Variants in CCDC171 observed in about 807,000 individuals in gnomAD.
CCDC171 encodes coiled-coil domain-containing protein 171.
A neutral mutation model predicts 168.2 loss-of-function variants in CCDC171; 177 were observed. That is an observed-to-expected ratio of 1.05 (90% confidence interval 0.93 to 1.19). CCDC171 has a LOEUF of 1.19. Among genes scored for constraint, CCDC171 ranks in the 50% most tolerant of loss-of-function variants. The pLI is 0.00. For synonymous variants in CCDC171, 687 were observed against 540.8 expected (o/e 1.27, Z -3.75); for missense variants, 1,991 against 1,539.0 (o/e 1.29, Z -4.91).
intron 25 of CCDC171, among the ~76,000 whole-genome samples, chr9:15,942,362 G>A (rs373875903): frequency 7.2e-5 from 11 of 151,782 alleles, no homozygotes; most frequent in African/African-American, 2.2e-4. Flanking sequence ...CTATGGGTCC[G>A]GAATTTCTTT....
intron 24 of CCDC171, among the ~76,000 whole-genome samples, chr9:15,901,974 G>C (rs1821730568): frequency 6.6e-6 from 1 of 152,050 alleles, no homozygotes; most frequent in Middle Eastern, 3.2e-3. Context: ...AAGTACTCTT[G>C]AACTTGTGTA....
chr9:15,865,933 G>A (rs1307867754), intron 23 of CCDC171, among the ~76,000 whole-genome samples: 1 of 151,630 alleles, frequency 6.6e-6, no homozygotes, highest in Non-Finnish European at 1.5e-5. Flanking sequence ...GAAAACTCAG[G>A]GATTGCCTGG....
chr9:15,673,902 G>T (rs904875707), intron 9 of CCDC171, among the ~76,000 whole-genome samples: 1 of 152,132 alleles, frequency 6.6e-6, no homozygotes, highest in African/African-American at 2.4e-5. Flanking sequence ...TCTGTTGATT[G>T]AAATAGTTTC....
chr9:15,831,682 G>A (rs1294141154), intron 21 of CCDC171, among the ~76,000 whole-genome samples: 1 of 151,992 alleles, frequency 6.6e-6, no homozygotes, highest in Non-Finnish European at 1.5e-5. Flanking sequence ...CTTGTCTTTA[G>A]GTTTTCTTTA....
chr9:15,778,957 T>A lies in CCDC171; in HGVS notation c.2899-11T>A, dbSNP rs1238374107. On this transcript the variant is annotated splice_polypyrimidine_tract_variant and intron_variant, in intron 19 of 25. Coordinates refer to ENST00000380701, the MANE Select transcript of CCDC171 (RefSeq NM_173550.4). ...GTTACTGTTTATAAAATTGCTCTTG[T>A]TTAACAACAGAAAAGCACAGCATCG... The A allele has an allele frequency of 2.8e-5, 41 of 1,465,058 alleles. No individual in the cohort carries two copies. The highest frequency in any genetic ancestry group is 3.7e-5 in the Non-Finnish European group (41 of 1,104,742). 90.8% of individuals were successfully genotyped at this position (1,465,058 alleles called of 1,614,324 possible).
intron 25 of CCDC171, among the ~76,000 whole-genome samples, chr9:15,921,488 G>C (rs1825322130): frequency 6.6e-6 from 1 of 151,482 alleles, no homozygotes; most frequent in Non-Finnish European, 1.5e-5. Context: ...TTGTTTGTTT[G>C]CTCCTTCCTC....
At chr9:15,561,946 C>T (rs2039334807) in intron 1 of CCDC171, among the ~76,000 whole-genome samples, 1 of 152,100 alleles carries the variant, frequency 6.6e-6, no homozygotes, top group South Asian at 2.1e-4. Flanking sequence ...ATGCTGCCTG[C>T]AGTTCTTTGC....
At chr9:16,051,987 A>C (rs1331779849) in intron 1 of CCDC171, among the ~76,000 whole-genome samples, 2 of 152,174 alleles carry the variant, frequency 1.3e-5, no homozygotes, top group Non-Finnish European at 2.9e-5. Flanking sequence ...ATCTCGTGAG[A>C]CTTGTTCACT....
rs548745694 is a variant in CCDC171, at chr9:15,690,509, A to G, written c.1216-4726A>G. Among the ~76,000 whole-genome samples the G allele has an allele frequency of 5.3e-5, 8 of 152,288 alleles. No homozygotes were observed. In the East Asian group the frequency reaches 1.5e-3, roughly 29 times the overall value. ...ATGATAAGTAATATGACTAAAATTT[A>G]CTAAACAAATTTTAGATTGATCAAA... On this transcript the variant is annotated intron_variant, in intron 10 of 25. Coordinates refer to ENST00000380701, the MANE Select transcript of CCDC171 (RefSeq NM_173550.4).
chr9:15,633,178 T>C (rs536416300), intron 7 of CCDC171, among the ~76,000 whole-genome samples: 1 of 152,326 alleles, frequency 6.6e-6, no homozygotes, highest in South Asian at 2.1e-4. Flanking sequence ...AAATGGGATC[T>C]AATTAAACTA....
At chr9:15,639,719 G>A (rs1216219103) in intron 7 of CCDC171, among the ~76,000 whole-genome samples, 2 of 152,064 alleles carry the variant, frequency 1.3e-5, no homozygotes, top group African/African-American at 4.8e-5. Flanking sequence ...GAACTGCATA[G>A]TTAATCATGA....
the CCDC171 span, among the ~76,000 whole-genome samples, chr9:16,105,547 G>T: frequency 6.6e-6 from 1 of 152,194 alleles, no homozygotes; most frequent in African/African-American, 2.4e-5. Context: ...ATTGGAACTA[G>T]CCTTGGATGG....
intron 20 of CCDC171, among the ~76,000 whole-genome samples, chr9:15,780,460 G>A (rs187038813): frequency 5.7e-4 from 87 of 152,148 alleles, no homozygotes; most frequent in African/African-American, 2.0e-3. Context: ...AGGTAGGAAG[G>A]TTACTAGAGG....
intron 23 of CCDC171, among the ~76,000 whole-genome samples, chr9:15,854,004 GT>G (rs201544895): frequency 0.036 from 4,842 of 135,604 alleles, 154 homozygotes; most frequent in East Asian, 0.19. Context: ...GGTTTGCTAG[GT>G]TTTTTTTTTT....
chr9:15,587,081 G>A (rs956542433), intron 4 of CCDC171, among the ~76,000 whole-genome samples: 2 of 152,142 alleles, frequency 1.3e-5, no homozygotes, highest in African/African-American at 4.8e-5. Context: ...CCAAAATGCT[G>A]GGATTACACG....
chr9:15,797,057 C>G (rs890513017), intron 21 of CCDC171, among the ~76,000 whole-genome samples: 1 of 152,126 alleles, frequency 6.6e-6, no homozygotes, highest in Admixed American at 6.5e-5. Flanking sequence ...ATACTTGGCA[C>G]TGTCTTTAAT....
intron 1 of CCDC171, among the ~76,000 whole-genome samples, chr9:16,056,770 G>C (rs545670888): frequency 6.6e-6 from 1 of 152,268 alleles, no homozygotes; most frequent in East Asian, 1.9e-4. Context: ...TTAGAGGTGT[G>C]AGCCACTGTG....
At chr9:15,802,972 CATT>C (rs1383338404) in intron 21 of CCDC171, among the ~76,000 whole-genome samples, 6 of 152,214 alleles carry the variant, frequency 3.9e-5, no homozygotes, top group African/African-American at 1.4e-4. Context: ...GATGGTATCT[CATT>C]GTTGTTTTGA....
At chr9:15,890,784 T>C (rs1436036385) in intron 24 of CCDC171, among the ~76,000 whole-genome samples, 1 of 152,168 alleles carries the variant, frequency 6.6e-6, no homozygotes, top group East Asian at 1.9e-4. Flanking sequence ...ATGGTAACAA[T>C]ATTTTTTTCA....
Sources: gnomAD v4.1 joint callset for allele counts (sites outside exome capture counted in the v4.1 genomes callset) on GRCh38, gnomAD v4.1.1 for gene constraint, MANE v1.5 for transcripts, NCBI Gene and HGNC (gene_info 2026-07-23, HGNC 2026-07-21) for gene names.